LYN: variants seen among roughly 807,000 people sequenced by gnomAD.
LYN encodes tyrosine-protein kinase Lyn.
A neutral mutation model predicts 65.0 loss-of-function variants in LYN; 12 were observed. The ratio of observed to expected loss-of-function variants is 0.18; its 90% CI spans 0.12 to 0.30. The LOEUF (loss-of-function observed/expected upper bound fraction) is 0.30, where lower values mean the gene tolerates loss of function less well. Among genes scored for constraint, LYN ranks in the 10% least tolerant of loss-of-function variants. LYN has a pLI of 1.00. For synonymous variants in LYN, 222 were observed against 221.2 expected (o/e 1.00, Z -0.03); for missense variants, 380 against 623.2 (o/e 0.61, Z 4.16).
At chr8:55,922,023 T>C (rs1376325397) in intron 1 of LYN, among the ~76,000 whole-genome samples, 2 of 152,146 alleles carry the variant, frequency 1.3e-5, no homozygotes, top group Non-Finnish European at 2.9e-5. Context: ...CATTCTTCCG[T>C]GGGTGCTGTA....
intron 1 of LYN, among the ~76,000 whole-genome samples, chr8:55,887,928 C>T (rs567760499): frequency 7.2e-5 from 11 of 152,048 alleles, no homozygotes; most frequent in African/African-American, 2.2e-4. Context: ...GATTTTAAAA[C>T]GGCAGGATAT....
chr8:55,890,117 C>CAAAAAAAAAAAAAAA (rs34706733), intron 1 of LYN, among the ~76,000 whole-genome samples: 24 of 79,064 alleles, frequency 3.0e-4, no homozygotes, highest in East Asian at 8.5e-4. Context: ...CCTCTATAGA[C>CAAAAAAAAAAAAAAA]AAAAAAAAAA....
At chr8:55,991,270 A>G (rs544106019) in intron 10 of LYN, among the ~76,000 whole-genome samples, 8 of 152,312 alleles carry the variant, frequency 5.3e-5, no homozygotes, top group African/African-American at 1.4e-4. Context: ...GTGGGGGAGA[A>G]AGTCCTGCCC....
intron 12 of LYN, among the ~76,000 whole-genome samples, chr8:56,003,311 T>G (rs1233721715): frequency 1.6e-4 from 24 of 152,154 alleles, no homozygotes; most frequent in Admixed American, 1.5e-3. Context: ...TCCTCCCGCC[T>G]TGGCCTGCCA....
Position 55,879,952 on chromosome 8 carries a change from GC to G in LYN, c.-153del. The G allele has an allele frequency of 1.3e-5, 3 of 223,452 alleles. No homozygotes were observed. Among genetic ancestry groups the G allele is most frequent in the South Asian group, 5.4e-5 (1 of 18,516 alleles). 13.8% of individuals were successfully genotyped at this position (223,452 alleles called of 1,614,324 possible). Reference sequence around the variant, plus strand: ...AAGCGGGGCGGCCGCGCCACCCCCGGCCCCGCGCCAGCAGCCCCTCGCCGCG... The same window carrying G: ...AAGCGGGGCGGCCGCGCCACCCCCGGCCCGCGCCAGCAGCCCCTCGCCGCG... On this transcript the variant is annotated 5_prime_UTR_variant, in exon 1 of 13. Coordinates refer to ENST00000519728, the MANE Select transcript of LYN (RefSeq NM_002350.4).
chr8:55,906,327 G>GT (rs869294462), intron 1 of LYN, among the ~76,000 whole-genome samples: 10 of 146,316 alleles, frequency 6.8e-5, no homozygotes, highest in South Asian at 6.4e-4. Context: ...CCAAGAATTC[G>GT]TTTTTTTTGT....
intron 1 of LYN, among the ~76,000 whole-genome samples, chr8:55,928,369 C>G (rs570066530): frequency 3.3e-5 from 5 of 152,334 alleles, no homozygotes; most frequent in South Asian, 2.1e-4. Flanking sequence ...TGGTCTCCAA[C>G]TCCTGACCTC....
chr8:55,963,488 C>G (rs1457256289), intron 8 of LYN, among the ~76,000 whole-genome samples: 1 of 152,176 alleles, frequency 6.6e-6, no homozygotes, highest in Non-Finnish European at 1.5e-5. Flanking sequence ...AGAAGCTCTG[C>G]AATTGAATTT....
intron 1 of LYN, among the ~76,000 whole-genome samples, chr8:55,881,659 G>A (rs1804656525): frequency 6.6e-6 from 1 of 152,230 alleles, no homozygotes; most frequent in African/African-American, 2.4e-5. Context: ...GAAAGTAGGA[G>A]CCAGGAACCT....
chr8:55,913,883 G>A (rs956911762), intron 1 of LYN, among the ~76,000 whole-genome samples: 2 of 152,160 alleles, frequency 1.3e-5, no homozygotes, highest in Non-Finnish European at 2.9e-5. Context: ...TGGAGTACTG[G>A]GCTTTCTTAT....
chr8:55,992,760 A>G (rs1400020135), intron 10 of LYN, among the ~76,000 whole-genome samples: 1 of 152,200 alleles, frequency 6.6e-6, no homozygotes, highest in African/African-American at 2.4e-5. Flanking sequence ...GCCAGTAGAT[A>G]CAGTGCCTGG....
intron 1 of LYN, among the ~76,000 whole-genome samples, chr8:55,925,867 A>G (rs888602757): frequency 6.6e-6 from 1 of 152,224 alleles, no homozygotes; most frequent in Admixed American, 6.5e-5. Flanking sequence ...AGCAATGAAG[A>G]AAAAGAAAAA....
At chr8:55,927,616 C>G (rs1806144181) in intron 1 of LYN, among the ~76,000 whole-genome samples, 1 of 152,142 alleles carries the variant, frequency 6.6e-6, no homozygotes, top group African/African-American at 2.4e-5. Flanking sequence ...AGGCGGATCA[C>G]TTGCAGTCAG....
chr8:55,974,607 A>C (rs1170338411), intron 10 of LYN, among the ~76,000 whole-genome samples: 3 of 152,178 alleles, frequency 2.0e-5, no homozygotes, highest in Non-Finnish European at 4.4e-5. Context: ...TGTTGGTCGT[A>C]AATCAGGCTT....
At chr8:55,882,758 C>G (rs1274827949) in intron 1 of LYN, among the ~76,000 whole-genome samples, 1 of 152,180 alleles carries the variant, frequency 6.6e-6, no homozygotes, top group African/African-American at 2.4e-5. Context: ...CCTCTTGTGG[C>G]TCCTATAGGA....
At chr8:55,908,940 A>G (rs943267309) in intron 1 of LYN, among the ~76,000 whole-genome samples, 1 of 147,138 alleles carries the variant, frequency 6.8e-6, no homozygotes, top group Non-Finnish European at 1.5e-5. Context: ...TGGCTGCAAA[A>G]TACATAATTT....
intron 1 of LYN, among the ~76,000 whole-genome samples, chr8:55,922,064 A>C (rs1448411552): frequency 6.6e-6 from 1 of 152,112 alleles, no homozygotes; most frequent in African/African-American, 2.4e-5. Flanking sequence ...TGGGTGGAGA[A>C]TGAATGGATA....
intron 7 of LYN, 94 bp downstream of exon 7, chr8:55,952,209 C>T: frequency 1.0e-6 from 1 of 973,452 alleles, no homozygotes; most frequent in Non-Finnish European, 1.5e-6. Context: ...ACTTTTTATG[C>T]ATCGTATTTC....
chr8:55,914,234 C>T (rs1408618846), intron 1 of LYN, among the ~76,000 whole-genome samples: 14 of 151,488 alleles, frequency 9.2e-5, no homozygotes, highest in South Asian at 6.3e-4. Context: ...GTCTGGAGGT[C>T]GGCCGTGGAG....
Sources: gnomAD v4.1 joint callset for allele counts (sites outside exome capture counted in the v4.1 genomes callset) on GRCh38, gnomAD v4.1.1 for gene constraint, MANE v1.5 for transcripts, NCBI Gene and HGNC (gene_info 2026-07-23, HGNC 2026-07-21) for gene names.